The following ARFIP1 variants were observed in gnomAD, a reference collection of about 807,000 sequenced individuals.
ARFIP1 encodes the protein arfaptin-1.
Under a neutral mutation model 42.5 loss-of-function variants are expected in ARFIP1, and 24 were observed. The observed-to-expected ratio is 0.57, with a 90% CI of 0.41 to 0.80. The LOEUF is 0.80. Ranked by LOEUF, ARFIP1 falls within the 30% of genes least tolerant of loss-of-function variation. The pLI is 0.00. For synonymous variants in ARFIP1, 141 were observed against 153.7 expected, an observed-to-expected ratio of 0.92 and a Z score of 0.61; for missense variants, 354 against 434.0, an observed-to-expected ratio of 0.82 and a Z score of 1.64.
chr4:152,784,810 T>C (rs1475355155), intron 1 of ARFIP1, among the ~76,000 whole-genome samples: 2 of 152,276 alleles, frequency 1.3e-5, no homozygotes, highest in East Asian at 3.8e-4. Context: ...GCAGTGTCTT[T>C]ACCATGTTCT....
At chr4:152,802,047 T>C (rs761164048) in intron 1 of ARFIP1, among the ~76,000 whole-genome samples, 2 of 152,208 alleles carry the variant, frequency 1.3e-5, no homozygotes, top group African/African-American at 2.4e-5. Context: ...ATTACCACAT[T>C]GTAATAAATA....
intron 1 of ARFIP1, among the ~76,000 whole-genome samples, chr4:152,793,595 A>T (rs1205942689): frequency 6.6e-6 from 1 of 152,136 alleles, no homozygotes; most frequent in African/African-American, 2.4e-5. Flanking sequence ...AATTAGACAC[A>T]ATAAGAGATT....
chr4:152,840,842 C>T (rs931155287), intron 2 of ARFIP1, among the ~76,000 whole-genome samples: 11 of 151,662 alleles, frequency 7.3e-5, no homozygotes, highest in Admixed American at 1.3e-4. Flanking sequence ...CCTCAGCCTC[C>T]GGAGTAGCTG....
Position 152,870,848 on chromosome 4 carries a change from G to C in ARFIP1, c.298G>C (p.Gly100Arg). ...AGGAAGTGATTTAATTGTTCCTGCA[G>C]GTATTCACTGCACTGATTGGATAAA... The part of the protein sequence containing the change: ...QQGSDLIVPA[G>R]GQRTQTKSGP... Residue 100 changes from glycine (G) to arginine (R), a missense_variant and splice_region_variant, in exon 4 of 9, where the codon GGT becomes CGT. By Grantham distance (125) the Gly-to-Arg change is moderately radical. Coordinates refer to ENST00000353617, the MANE Select transcript of ARFIP1 (RefSeq NM_001025595.3). The C allele has an allele frequency of 1.9e-6, 3 of 1,609,578 alleles. No individual in the cohort carries two copies. The highest frequency in any genetic ancestry group is 2.6e-6 in the Non-Finnish European group (3 of 1,176,034).
At chr4:152,823,644 G>C (rs1730566591) in intron 1 of ARFIP1, among the ~76,000 whole-genome samples, 2 of 151,644 alleles carry the variant, frequency 1.3e-5, no homozygotes, top group African/African-American at 4.8e-5. Flanking sequence ...CTGGGCTGTG[G>C]CATGTGCCTG....
intron 5 of ARFIP1, among the ~76,000 whole-genome samples, chr4:152,876,499 G>A (rs543302885): frequency 6.2e-4 from 95 of 152,328 alleles, no homozygotes; most frequent in Non-Finnish European, 1.1e-3. Flanking sequence ...CTTGGGTACT[G>A]TTAAAGGCAT....
intron 2 of ARFIP1, among the ~76,000 whole-genome samples, chr4:152,837,548 A>C (rs1222480739): frequency 6.6e-6 from 1 of 151,996 alleles, no homozygotes; most frequent in Non-Finnish European, 1.5e-5. Context: ...GCATTTTTTC[A>C]TATGTTTGTT....
At chr4:152,892,117 G>A (rs1736910966) in intron 8 of ARFIP1, among the ~76,000 whole-genome samples, 1 of 152,036 alleles carries the variant, frequency 6.6e-6, no homozygotes, top group African/African-American at 2.4e-5. Context: ...ATGTGGCCCA[G>A]GTTAGATTTG....
At chr4:152,795,745 A>G (rs900328352) in intron 1 of ARFIP1, among the ~76,000 whole-genome samples, 5 of 129,976 alleles carry the variant, frequency 3.8e-5, no homozygotes, top group Admixed American at 8.8e-5. Context: ...GAGAAATGGT[A>G]TTTCAGTGTT....
At chr4:152,828,715 T>C (rs565934321) in intron 1 of ARFIP1, among the ~76,000 whole-genome samples, 2 of 152,244 alleles carry the variant, frequency 1.3e-5, no homozygotes, top group African/African-American at 4.8e-5. Flanking sequence ...AGCAGAAATC[T>C]TAAATTTTAA....
chr4:152,890,326 T>G (rs1056478189), intron 8 of ARFIP1, among the ~76,000 whole-genome samples: 1 of 152,136 alleles, frequency 6.6e-6, no homozygotes, highest in African/African-American at 2.4e-5. Context: ...AAGGAGACAC[T>G]TTTCATTTAT....
intron 2 of ARFIP1, among the ~76,000 whole-genome samples, chr4:152,840,260 A>G (rs975564410): frequency 5.3e-5 from 8 of 152,178 alleles, no homozygotes; most frequent in African/African-American, 1.7e-4. Context: ...GTATCTGTTA[A>G]GTCCATTTGT....
chr4:152,815,086 C>T (rs1010188318), intron 1 of ARFIP1, among the ~76,000 whole-genome samples: 2 of 152,138 alleles, frequency 1.3e-5, no homozygotes, highest in African/African-American at 4.8e-5. Context: ...CCTTACATGC[C>T]ATTCTTTATG....
chr4:152,870,588 A>T (rs1026931588), intron 3 of ARFIP1, among the ~76,000 whole-genome samples, 165 bp from the exon 4 acceptor site: 1 of 152,254 alleles, frequency 6.6e-6, no homozygotes, highest in African/African-American at 2.4e-5. Flanking sequence ...CTGGTAGCAT[A>T]CATTTATTAT....
At position 152,852,065 on chromosome 4, in the gene ARFIP1, TACTC is replaced by T. The variant is rs772998172; in HGVS notation, c.94-11539_94-11536del. Reference sequence around the variant, plus strand: ...AAAAATATTTTTAAAAACTATTAAATACTCAAGCATTATGCTAAAAGCTTGAATA... The same window carrying T: ...AAAAATATTTTTAAAAACTATTAAATAAGCATTATGCTAAAAGCTTGAATA... On this transcript the variant is annotated intron_variant, in intron 2 of 8. Coordinates refer to ENST00000353617, the MANE Select transcript of ARFIP1 (RefSeq NM_001025595.3). Among the ~76,000 whole-genome samples, 22 of 152,352 alleles carry T rather than the reference TACTC, an allele frequency of 1.4e-4. No individual in the cohort carries two copies. In the East Asian group the frequency reaches 3.7e-3, roughly 25 times the overall value.
intron 1 of ARFIP1, among the ~76,000 whole-genome samples, chr4:152,817,939 A>G (rs1730036365): frequency 6.6e-6 from 1 of 152,258 alleles, no homozygotes; most frequent in African/African-American, 2.4e-5. Context: ...GGCAGCTATT[A>G]GAAAAAAACA....
intron 2 of ARFIP1, among the ~76,000 whole-genome samples, chr4:152,852,038 T>G (rs1319393653): frequency 6.6e-6 from 1 of 152,246 alleles, no homozygotes; most frequent in Non-Finnish European, 1.5e-5. Context: ...CTTAATTGTT[T>G]GAAAAATATT....
intron 5 of ARFIP1, among the ~76,000 whole-genome samples, chr4:152,876,885 G>A (rs1204832050): frequency 6.6e-6 from 1 of 152,242 alleles, no homozygotes; most frequent in Non-Finnish European, 1.5e-5. Flanking sequence ...GAAGCCCCAA[G>A]CCTTGGCAGC....
At chr4:152,909,506 C>G (rs1738667086) in intron 8 of ARFIP1, among the ~76,000 whole-genome samples, 1 of 152,144 alleles carries the variant, frequency 6.6e-6, no homozygotes, top group Non-Finnish European at 1.5e-5. Flanking sequence ...AAAATATACT[C>G]TTGATATCAG....
Sources: allele counts gnomAD v4.1 joint callset (sites outside exome capture counted in the v4.1 genomes callset), GRCh38; gene constraint gnomAD v4.1.1; transcripts MANE v1.5; gene names NCBI Gene and HGNC (gene_info 2026-07-23, HGNC 2026-07-21).